The following IFT140 variants were observed in gnomAD, a reference collection of about 807,000 sequenced individuals.
IFT140 encodes the protein intraflagellar transport 140, also known as intraflagellar transport protein 140 homolog.
In IFT140, 133 loss-of-function variants were observed where a neutral mutation model predicts 164.6. The observed-to-expected ratio is 0.81, with a 90% CI of 0.70 to 0.93. The LOEUF (loss-of-function observed/expected upper bound fraction) is 0.93, where lower values mean the gene tolerates loss of function less well. Ranked by LOEUF, IFT140 falls within the 40% of genes least tolerant of loss-of-function variation. IFT140 has a pLI of 0.00. For missense variants in IFT140, 2,045 were observed against 1,972.3 expected, an observed-to-expected ratio of 1.04 and a Z score of -0.70; for synonymous variants, 860 against 817.3, an observed-to-expected ratio of 1.05 and a Z score of -0.89.
intron 4 of IFT140, among the ~76,000 whole-genome samples, chr16:1,599,322 TG>T (rs1383092670): frequency 6.7e-5 from 4 of 59,824 alleles, no homozygotes; most frequent in African/African-American, 2.2e-4. Flanking sequence ...GGGAGGGAGG[TG>T]GGGGGGGTCA....
intron 13 of IFT140, chr16:1,576,566 T>C (rs1467151314): frequency 2.1e-5 from 3 of 144,798 alleles, no homozygotes; most frequent in African/African-American, 7.9e-5. Flanking sequence ...CACTCCAGCC[T>C]GGGTGACAGA....
chr16:1,546,977 C>A (rs914557041), intron 19 of IFT140, among the ~76,000 whole-genome samples: 2 of 152,224 alleles, frequency 1.3e-5, no homozygotes, highest in Non-Finnish European at 2.9e-5. Context: ...AGTCGGTGCT[C>A]ACATGACACT....
chr16:1,592,632 GA>G, intron 4 of IFT140, 44 bp from the exon 5 acceptor site: 2 of 1,582,694 alleles, frequency 1.3e-6, no homozygotes, highest in African/African-American at 1.4e-5. Flanking sequence ...TGTCCCGGCA[GA>G]GCGACTGGTG....
chr16:1,592,218 C>T lies in IFT140; in HGVS notation c.592G>A (p.Gly198Arg), dbSNP rs1200874695. The change falls in exon 6 of 31, where the codon GGG (glycine) becomes AGG (arginine). Residue 198 changes from glycine (G) to arginine (R), a missense_variant. Coordinates refer to ENST00000426508, the MANE Select transcript of IFT140 (RefSeq NM_014714.4). ...KSSSGSLLKM[G>R]SHEGLLFFVS... ...AAGAACAACAGCCCCTCGTGAGACC[C>T]CATCTTCAGCAAACTTCCAGAACTG... 1.9e-6 allele frequency: 3 copies of T among 1,614,086 alleles called. No homozygotes were observed. Among genetic ancestry groups the T allele is most frequent in the Non-Finnish European group, 2.5e-6 (3 of 1,180,050 alleles).
rs1031716404 is a variant in IFT140 at position 1,533,951 on chromosome 16, C to T, written c.2400-7155G>A. 10 of 397,994 alleles carry T rather than the reference C, an allele frequency of 2.5e-5. No individual in the cohort carries two copies. Among genetic ancestry groups the T allele is most frequent in the East Asian group, 5.6e-5 (1 of 17,816 alleles). The allele number at this position is 397,994 out of a possible 1,614,324, so 24.7% of individuals were successfully genotyped here. On this transcript the variant is annotated intron_variant, in intron 19 of 30. Transcript: ENST00000426508. This position sits in a 1 kb window ranked among gnomAD's most constrained non-coding sequence, Gnocchi z 4.7. ...TGCTGCAGGCGAGAAGAGGCACGCG[C>T]GGCACAGGCCGGCCTCCGCTTCCCG...
At chr16:1,512,267 G>A (rs1408839455) in intron 30 of IFT140, among the ~76,000 whole-genome samples, 4 of 151,564 alleles carry the variant, frequency 2.6e-5, no homozygotes, top group African/African-American at 4.9e-5. Flanking sequence ...AGGGCAGGAC[G>A]TGGGGACAGA....
At chr16:1,543,184 G>A (rs773666570) in intron 19 of IFT140, among the ~76,000 whole-genome samples, 2 of 152,250 alleles carry the variant, frequency 1.3e-5, no homozygotes, top group Non-Finnish European at 2.9e-5. Context: ...GCACGGAGCT[G>A]CCCGCACCCT....
At position 1,568,317 on chromosome 16, in the gene IFT140, C is replaced by T. The variant is rs1257823607; in HGVS notation, c.1670G>A (p.Cys557Tyr). Residue 557 changes from cysteine to tyrosine, a missense_variant, in exon 15 of 31, where the codon TGT becomes TAT. Cys to Tyr is a radical substitution (Grantham distance 194). Coordinates refer to ENST00000426508, the MANE Select transcript of IFT140 (RefSeq NM_014714.4). ...CAGCTCCGCCAGGCTCCTGCAGCTACAGTGTGCTTTGGCCTCTCTGCAGGG... is the reference window on the plus strand; with the variant it reads ...CAGCTCCGCCAGGCTCCTGCAGCTATAGTGTGCTTTGGCCTCTCTGCAGGG... ...DLSRREAKAH[C>Y]SCRSLAELVP... The T allele has an allele frequency of 1.2e-6, 2 of 1,613,682 alleles. No homozygotes were observed. The highest frequency in any genetic ancestry group is 1.7e-6 in the Non-Finnish European group (2 of 1,179,998).
intron 12 of IFT140, among the ~76,000 whole-genome samples, chr16:1,581,389 C>T (rs1219019704): frequency 7.2e-5 from 11 of 152,010 alleles, no homozygotes; most frequent in Admixed American, 3.9e-4. Context: ...CACATGAGGT[C>T]AGGAGTTTGA....
intron 19 of IFT140, among the ~76,000 whole-genome samples, chr16:1,539,463 G>GC (rs1457061380): frequency 1.4e-4 from 21 of 152,356 alleles, no homozygotes; most frequent in African/African-American, 5.1e-4. Context: ...AAGCACTCTG[G>GC]CCCCACGGCC....
chr16:1,561,913 G>C (rs1425138386), intron 18 of IFT140, 72 bp downstream of exon 18: 55 of 1,435,784 alleles, frequency 3.8e-5, no homozygotes, highest in Non-Finnish European at 5.0e-5. Context: ...AGCTCCCTGG[G>C]ACGCTTGCAA....
At chr16:1,516,165 AAAAAAAAAAAAAAC>A in intron 30 of IFT140, among the ~76,000 whole-genome samples, 2 of 121,100 alleles carry the variant, frequency 1.7e-5, no homozygotes, top group African/African-American at 3.8e-5. Flanking sequence ...AAAAAAAAAA[AAAAAAAAAAAAAAC>A]ACCAGAAATG....
chr16:1,524,718 G>A (rs2040623984), intron 23 of IFT140, 23 bp from the exon 24 acceptor site: 3 of 1,578,432 alleles, frequency 1.9e-6, no homozygotes. Context: ...AGAACCCAAA[G>A]ACGAGACACG....
chr16:1,585,995 T>C, intron 10 of IFT140, 135 bp downstream of exon 10: 2 of 982,576 alleles, frequency 2.0e-6, no homozygotes, highest in Non-Finnish European at 3.2e-6. Context: ...ATGGTCTCGA[T>C]CTCCTGACCT....
chr16:1,513,362 G>C (rs187239742), intron 30 of IFT140: 1 of 152,090 alleles, frequency 6.6e-6, no homozygotes, highest in Non-Finnish European at 1.5e-5. Flanking sequence ...TTAGCTGGGC[G>C]TGGTGGCGGG....
intron 19 of IFT140, among the ~76,000 whole-genome samples, chr16:1,536,041 C>G (rs1222188612): frequency 1.3e-5 from 2 of 152,236 alleles, no homozygotes; most frequent in African/African-American, 4.8e-5. Context: ...GGAGGTGGGG[C>G]CGGGCGCTCA....
intron 1 of IFT140, among the ~76,000 whole-genome samples, chr16:1,611,349 C>A (rs996856601): frequency 6.6e-6 from 1 of 152,058 alleles, no homozygotes; most frequent in Admixed American, 6.5e-5. Context: ...TAAAAAATTA[C>A]AAAAATTAGC....
Position 1,565,000 on chromosome 16 carries a change from G to A in IFT140, c.1902-838C>T, listed in dbSNP as rs1253818370. Reference sequence around the variant, plus strand: ...GGCTCTGAGGCCCAGAGAGCCCGGGGACACAAGCTGGTTCCCGTGAGGTGA... The same window carrying A: ...GGCTCTGAGGCCCAGAGAGCCCGGGAACACAAGCTGGTTCCCGTGAGGTGA... On this transcript the variant is annotated intron_variant, in intron 16 of 30. Coordinates refer to ENST00000426508, the MANE Select transcript of IFT140 (RefSeq NM_014714.4). The surrounding 1 kb of genome is among the most constrained non-coding windows in gnomAD (Gnocchi z 5.5). 3.9e-5 allele frequency among the ~76,000 whole-genome samples: 6 copies of A among 152,186 alleles called. No homozygotes were observed. The highest frequency in any genetic ancestry group is 1.4e-4 in the African/African-American group (6 of 41,434).
intron 4 of IFT140, among the ~76,000 whole-genome samples, chr16:1,601,485 T>G (rs1276400720): frequency 3.3e-5 from 5 of 152,134 alleles, no homozygotes; most frequent in Non-Finnish European, 5.9e-5. Context: ...GAGTGGCGTC[T>G]AAGCATGTAG....
Sources: allele counts gnomAD v4.1 joint callset (sites outside exome capture counted in the v4.1 genomes callset), GRCh38; gene constraint gnomAD v4.1.1; non-coding constraint Gnocchi (gnomAD v3.1); transcripts MANE v1.5; gene names NCBI Gene and HGNC (gene_info 2026-07-23, HGNC 2026-07-21).